Variants in TNIK observed in about 807,000 individuals in gnomAD.
The protein encoded by TNIK is TRAF2 and NCK interacting kinase.
Under a neutral mutation model 191.3 loss-of-function variants are expected in TNIK, and 49 were observed. The ratio of observed to expected loss-of-function variants is 0.26; its 90% CI spans 0.20 to 0.32. The LOEUF is 0.32. Ranked by LOEUF, TNIK falls within the 10% of genes least tolerant of loss-of-function variation. The pLI, the probability that TNIK is intolerant of heterozygous loss-of-function variation, is 1.00. For synonymous variants in TNIK, 594 were observed against 600.9 expected (o/e 0.99, Z 0.17); for missense variants, 1,155 against 1,702.3 (o/e 0.68, Z 5.66).
At chr3:171,428,802 T>C (rs1577904657) in intron 1 of TNIK, among the ~76,000 whole-genome samples, 1 of 152,304 alleles carries the variant, frequency 6.6e-6, no homozygotes, top group East Asian at 1.9e-4. Flanking sequence ...TTACATGTGA[T>C]GGCTGTGATC....
chr3:171,220,828 C>A (rs1309337303), intron 3 of TNIK, among the ~76,000 whole-genome samples: 1 of 152,086 alleles, frequency 6.6e-6, no homozygotes, highest in South Asian at 2.1e-4. Context: ...TATTGCTCAC[C>A]TTTATTAGTT....
chr3:171,375,460 ATTAG>A (rs1425247183), intron 1 of TNIK, among the ~76,000 whole-genome samples: 7 of 152,244 alleles, frequency 4.6e-5, no homozygotes, highest in Non-Finnish European at 8.8e-5. Flanking sequence ...CTCTTTAAAA[ATTAG>A]TTAGACAATT....
At chr3:171,177,220 A>G in intron 8 of TNIK, 106 bp downstream of exon 8, 2 of 1,146,920 alleles carry the variant, frequency 1.7e-6, no homozygotes, top group Non-Finnish European at 2.4e-6. Flanking sequence ...GAATCCATGC[A>G]GGGCTCGGTG....
chr3:171,311,878 G>C (rs189243126), intron 2 of TNIK, among the ~76,000 whole-genome samples: 3 of 152,004 alleles, frequency 2.0e-5, no homozygotes, highest in African/African-American at 4.8e-5. Context: ...CAGCCACCTA[G>C]ATTTTTATAG....
At chr3:171,235,226 G>C (rs990665615) in intron 2 of TNIK, among the ~76,000 whole-genome samples, 2 of 152,102 alleles carry the variant, frequency 1.3e-5, no homozygotes, top group Non-Finnish European at 2.9e-5. Flanking sequence ...AGTTTTAGTA[G>C]AGCCAGGGTT....
At chr3:171,100,828 G>A (rs1723420072) in intron 22 of TNIK, among the ~76,000 whole-genome samples, 1 of 145,518 alleles carries the variant, frequency 6.9e-6, no homozygotes, top group African/African-American at 2.5e-5. Flanking sequence ...TACATAAAAA[G>A]AGAACTGCAA....
At position 171,061,841 on chromosome 3, in the gene TNIK, C is replaced by G. The variant is rs374629417; in HGVS notation, c.*2040G>C. 1 of 152,138 alleles carries G rather than the reference C, an allele frequency of 6.6e-6. No homozygotes were observed. The highest frequency in any genetic ancestry group is 1.9e-4 in the East Asian group (1 of 5,196). The allele number at this position is 152,138 out of a possible 1,614,324, so 9.4% of individuals were successfully genotyped here. On this transcript the variant is annotated 3_prime_UTR_variant, in exon 33 of 33. Coordinates refer to ENST00000436636, the MANE Select transcript of TNIK (RefSeq NM_015028.4). ...GAGAAGATAGTATTGTTCAGCAGCA[C>G]AACCACAGCAGTAAAAATGAGAACA...
chr3:171,091,115 G>A (rs1053024776), intron 23 of TNIK, among the ~76,000 whole-genome samples: 21 of 152,080 alleles, frequency 1.4e-4, no homozygotes, highest in Non-Finnish European at 2.2e-4. Context: ...CTAGACCATG[G>A]GGTGCCTCGG....
At chr3:171,431,480 G>T (rs934313597) in intron 1 of TNIK, among the ~76,000 whole-genome samples, 1 of 152,000 alleles carries the variant, frequency 6.6e-6, no homozygotes, top group Non-Finnish European at 1.5e-5. Context: ...TCTGAGTGAA[G>T]ATTTTACATG....
intron 2 of TNIK, among the ~76,000 whole-genome samples, chr3:171,261,015 A>G (rs1747538958): frequency 6.6e-6 from 1 of 152,228 alleles, no homozygotes; most frequent in Non-Finnish European, 1.5e-5. Context: ...ACCACTAGCA[A>G]CAGATTACTT....
chr3:171,276,891 A>G (rs1408161987), intron 2 of TNIK, among the ~76,000 whole-genome samples: 1 of 152,248 alleles, frequency 6.6e-6, no homozygotes, highest in African/African-American at 2.4e-5. Context: ...ATGTGAGGAT[A>G]TCGGAAAACT....
chr3:171,356,455 C>T (rs1474871000), intron 2 of TNIK, among the ~76,000 whole-genome samples: 1 of 152,168 alleles, frequency 6.6e-6, no homozygotes, highest in Non-Finnish European at 1.5e-5. Context: ...AATGAGTAAT[C>T]ACCAAGCCAT....
At chr3:171,289,920 A>AG (rs1277360287) in intron 2 of TNIK, among the ~76,000 whole-genome samples, 1 of 151,062 alleles carries the variant, frequency 6.6e-6, no homozygotes, top group Non-Finnish European at 1.5e-5. Context: ...AAAAAAAAAA[A>AG]AAGTGTAAAG....
intron 2 of TNIK, among the ~76,000 whole-genome samples, chr3:171,364,721 T>C (rs796890894): frequency 1.4e-4 from 21 of 152,254 alleles, no homozygotes; most frequent in African/African-American, 4.6e-4. Context: ...AGAAAGTCTA[T>C]GGCAGAGGGA....
chr3:171,328,778 A>G (rs922077387), intron 2 of TNIK, among the ~76,000 whole-genome samples: 4 of 152,178 alleles, frequency 2.6e-5, no homozygotes, highest in Non-Finnish European at 5.9e-5. Context: ...GTGGGGGTGG[A>G]TTCTGCCTGC....
intron 2 of TNIK, among the ~76,000 whole-genome samples, chr3:171,229,034 T>C (rs1055014337): frequency 1.3e-5 from 2 of 152,214 alleles, no homozygotes; most frequent in Non-Finnish European, 1.5e-5. Flanking sequence ...CAATAAAATA[T>C]AGCTTCTAAG....
chr3:171,269,218 G>C (rs1318590740), intron 2 of TNIK, among the ~76,000 whole-genome samples: 1 of 151,620 alleles, frequency 6.6e-6, no homozygotes, highest in African/African-American at 2.4e-5. Context: ...TATTTAGAGA[G>C]TAGCTAGTAT....
chr3:171,350,933 T>C (rs557209362), intron 2 of TNIK, among the ~76,000 whole-genome samples: 5 of 152,168 alleles, frequency 3.3e-5, no homozygotes, highest in African/African-American at 4.8e-5. Flanking sequence ...TAACACTTGC[T>C]GGACACTTTA....
chr3:171,164,643 A>G (rs1031007050), intron 10 of TNIK, among the ~76,000 whole-genome samples: 1 of 152,240 alleles, frequency 6.6e-6, no homozygotes, highest in South Asian at 2.1e-4. Flanking sequence ...AAACTATGCT[A>G]TATATTCACC....
Sources: gnomAD v4.1 joint callset for allele counts (sites outside exome capture counted in the v4.1 genomes callset) on GRCh38, gnomAD v4.1.1 for gene constraint, MANE v1.5 for transcripts, NCBI Gene and HGNC (gene_info 2026-07-23, HGNC 2026-07-21) for gene names.